PTPN11: variants seen among roughly 807,000 people sequenced by gnomAD.
The protein encoded by PTPN11 is protein tyrosine phosphatase non-receptor type 11, also known as tyrosine-protein phosphatase non-receptor type 11.
In PTPN11, 6 loss-of-function variants were observed where a neutral mutation model predicts 78.8. The observed-to-expected ratio is 0.08, with a 90% confidence interval of 0.04 to 0.15. PTPN11 has a LOEUF of 0.15. Ranked by LOEUF, PTPN11 falls within the 10% of genes least tolerant of loss-of-function variation. The pLI is 1.00. For missense variants in PTPN11, 386 were observed against 744.8 expected (o/e 0.52, Z 5.61); for synonymous variants, 221 against 263.5 (o/e 0.84, Z 1.56).
chr12:112,464,812 C>T (rs1041863807), intron 6 of PTPN11, among the ~76,000 whole-genome samples: 1 of 152,162 alleles, frequency 6.6e-6, no homozygotes, highest in South Asian at 2.1e-4. Flanking sequence ...TTGTAGTGCA[C>T]TGCAGCCTTG....
intron 1 of PTPN11, among the ~76,000 whole-genome samples, chr12:112,436,124 G>T (rs1408964338): frequency 6.6e-6 from 1 of 152,034 alleles, no homozygotes; most frequent in African/African-American, 2.4e-5. Flanking sequence ...ACAAACATGG[G>T]CAAAAGAGAT....
At chr12:112,446,241 G>C (rs1444005759) in intron 1 of PTPN11, 35 bp from the exon 2 acceptor site, 2 of 1,612,602 alleles carry the variant, frequency 1.2e-6, no homozygotes, top group African/African-American at 1.3e-5. Flanking sequence ...ACAGTGTCTT[G>C]TTTTTTTATT....
rs2037985528 is a variant in PTPN11, at chr12:112,445,838, C to T, written c.15-438C>T. The stretch of plus-strand genomic sequence containing the variant: ...GTATTTTTAGTAGAGATGGGTTTCT[C>T]CATGTTGGTCAGGCTGCTCTGGAAC... On this transcript the variant is annotated intron_variant, in intron 1 of 15. Coordinates refer to ENST00000351677, the MANE Select transcript of PTPN11 (RefSeq NM_002834.5). 2.0e-5 allele frequency among the ~76,000 whole-genome samples: 3 copies of T among 151,888 alleles called. No individual in the cohort carries two copies. The South Asian group carries it at 6.2e-4, about 32-fold the overall frequency.
At chr12:112,491,284 A>C (rs1345605704) in intron 13 of PTPN11, among the ~76,000 whole-genome samples, 2 of 152,044 alleles carry the variant, frequency 1.3e-5, no homozygotes, top group African/African-American at 2.4e-5. Flanking sequence ...AAAAAAAAAA[A>C]AAACCCTCAA....
intron 6 of PTPN11, among the ~76,000 whole-genome samples, chr12:112,458,039 A>G (rs2038190237): frequency 1.3e-5 from 2 of 152,182 alleles, no homozygotes; most frequent in African/African-American, 4.8e-5. Flanking sequence ...CAATTTATAA[A>G]TATTTGTGGA....
intron 3 of PTPN11, 47 bp downstream of exon 3, chr12:112,450,559 C>T (rs772834134): frequency 5.1e-5 from 80 of 1,563,116 alleles, no homozygotes; most frequent in Admixed American, 1.2e-4. Flanking sequence ...CCCTTGTGCC[C>T]TGAGTGTCAG....
At chr12:112,491,972 G>A (rs1311751940) in intron 13 of PTPN11, among the ~76,000 whole-genome samples, 1 of 152,236 alleles carries the variant, frequency 6.6e-6, no homozygotes, top group African/African-American at 2.4e-5. Context: ...CTCCCAAAGT[G>A]CTGGGATTAC....
At chr12:112,486,744 G>T (rs1475299130) in intron 11 of PTPN11, 115 bp downstream of exon 11, 7 of 1,533,886 alleles carry the variant, frequency 4.6e-6, no homozygotes, top group Non-Finnish European at 6.1e-6. Context: ...TTTAATATCT[G>T]TTTGAGGCAT....
At chr12:112,458,315 A>G (rs2038195079) in intron 6 of PTPN11, among the ~76,000 whole-genome samples, 1 of 152,316 alleles carries the variant, frequency 6.6e-6, no homozygotes, top group Non-Finnish European at 1.5e-5. Flanking sequence ...GGCTCACGCC[A>G]TCCTCCCACC....
At chr12:112,430,350 A>G (rs2037693328) in intron 1 of PTPN11, among the ~76,000 whole-genome samples, 2 of 152,136 alleles carry the variant, frequency 1.3e-5, no homozygotes, top group Admixed American at 6.6e-5. Flanking sequence ...ATTGTGGAAA[A>G]ATAGTGTTTG....
intron 6 of PTPN11, among the ~76,000 whole-genome samples, chr12:112,459,533 C>T (rs1343229427): frequency 6.6e-6 from 1 of 151,100 alleles, no homozygotes; most frequent in Non-Finnish European, 1.5e-5. Context: ...GTGGCTTGAT[C>T]TTGGCTCACT....
chr12:112,433,802 AC>A (rs2135838529), intron 1 of PTPN11, among the ~76,000 whole-genome samples: 1 of 152,288 alleles, frequency 6.6e-6, no homozygotes, highest in South Asian at 2.1e-4. Context: ...GAAAAATAAA[AC>A]AATTAGCCAG....
chr12:112,446,176 T>A (rs1247674374), intron 1 of PTPN11, 100 bp from the exon 2 acceptor site: 22 of 1,492,522 alleles, frequency 1.5e-5, no homozygotes, highest in Non-Finnish European at 1.8e-5. Flanking sequence ...TTTTCTAAAA[T>A]TTTCTACTCT....
At chr12:112,501,295 C>G (rs894021907) in intron 13 of PTPN11, among the ~76,000 whole-genome samples, 2 of 152,132 alleles carry the variant, frequency 1.3e-5, no homozygotes, top group Non-Finnish European at 2.9e-5. Context: ...TGCCTTTTCC[C>G]CCCCAGGGTA....
intron 3 of PTPN11, 72 bp from the exon 4 acceptor site, chr12:112,453,123 C>T (rs1007232268): frequency 1.6e-6 from 2 of 1,274,634 alleles, no homozygotes; most frequent in South Asian, 1.2e-5. Context: ...TGACTGTATA[C>T]AGTAGTTTTG....
intron 1 of PTPN11, among the ~76,000 whole-genome samples, chr12:112,427,940 G>A (rs988367898): frequency 5.9e-5 from 9 of 151,922 alleles, no homozygotes; most frequent in Non-Finnish European, 1.2e-4. Context: ...TTATACAGAC[G>A]GGGTCTTGCT....
At chr12:112,455,901 T>G in intron 5 of PTPN11, 49 bp from the exon 6 acceptor site, 2 of 1,097,458 alleles carry the variant, frequency 1.8e-6, no homozygotes, top group Non-Finnish European at 2.8e-6. Context: ...ATTAACACCG[T>G]TTTCTGTAAT....
chr12:112,443,819 A>G (rs1322261405), intron 1 of PTPN11, among the ~76,000 whole-genome samples: 1 of 151,220 alleles, frequency 6.6e-6, no homozygotes, highest in Non-Finnish European at 1.5e-5. Flanking sequence ...TGCATGGCTA[A>G]TTTTTATATT....
intron 1 of PTPN11, among the ~76,000 whole-genome samples, chr12:112,442,830 T>TTATATATATATATATA (rs71086107): frequency 1.8e-4 from 8 of 43,530 alleles, no homozygotes; most frequent in Non-Finnish European, 4.2e-4. Flanking sequence ...CTCTCTCTTT[T>TTATATATATATATATA]TATATATATA....
Sources: gnomAD v4.1 joint callset for allele counts (sites outside exome capture counted in the v4.1 genomes callset) on GRCh38, gnomAD v4.1.1 for gene constraint, MANE v1.5 for transcripts, NCBI Gene and HGNC (gene_info 2026-07-23, HGNC 2026-07-21) for gene names.